Variants in CAMK2D observed in about 807,000 individuals in gnomAD.
The protein encoded by CAMK2D is calcium/calmodulin-dependent protein kinase type II subunit delta.
Under a neutral mutation model 84.0 loss-of-function variants are expected in CAMK2D, and 37 were observed. That is an observed-to-expected ratio of 0.44 (90% CI 0.34 to 0.58). The LOEUF (loss-of-function observed/expected upper bound fraction) is 0.58. CAMK2D is among the 20% of genes least tolerant of loss of function. The pLI is 0.02. For synonymous variants in CAMK2D, 202 were observed against 212.5 expected (o/e 0.95, Z 0.43); for missense variants, 448 against 652.5 (o/e 0.69, Z 3.41).
intron 16 of CAMK2D, among the ~76,000 whole-genome samples, chr4:113,491,627 G>A (rs2097845410): frequency 6.6e-6 from 1 of 152,138 alleles, no homozygotes; most frequent in Non-Finnish European, 1.5e-5. Flanking sequence ...GTCTCTGCCT[G>A]GCTTTGGTAT....
intron 2 of CAMK2D, among the ~76,000 whole-genome samples, chr4:113,669,117 C>T (rs1170368642): frequency 6.6e-6 from 1 of 152,102 alleles, no homozygotes; most frequent in Non-Finnish European, 1.5e-5. Flanking sequence ...AAATGCTTTA[C>T]ACAAAATTAT....
chr4:113,467,032 CAATT>C (rs2097482216), intron 16 of CAMK2D, among the ~76,000 whole-genome samples: 1 of 152,286 alleles, frequency 6.6e-6, no homozygotes, highest in Non-Finnish European at 1.5e-5. Flanking sequence ...TGAATTTAAT[CAATT>C]GAGACTAATA....
intron 4 of CAMK2D, among the ~76,000 whole-genome samples, chr4:113,606,456 C>T (rs1357710568): frequency 6.6e-6 from 1 of 151,002 alleles, no homozygotes; most frequent in Non-Finnish European, 1.5e-5. Context: ...AATCGCACCA[C>T]TGCACTCCAG....
intron 4 of CAMK2D, among the ~76,000 whole-genome samples, chr4:113,598,201 C>T (rs1240240323): frequency 6.6e-6 from 1 of 152,070 alleles, no homozygotes; most frequent in Non-Finnish European, 1.5e-5. Flanking sequence ...ATCAACGGTA[C>T]AGAACAGATC....
At chr4:113,737,480 C>T (rs1194594396) in intron 2 of CAMK2D, among the ~76,000 whole-genome samples, 3 of 151,862 alleles carry the variant, frequency 2.0e-5, no homozygotes, top group Non-Finnish European at 4.4e-5. Flanking sequence ...GCCAGGGACT[C>T]GGGGGAGAGA....
chr4:113,646,301 C>A (rs2099151762), intron 3 of CAMK2D, among the ~76,000 whole-genome samples: 2 of 152,170 alleles, frequency 1.3e-5, no homozygotes, highest in African/African-American at 2.4e-5. Context: ...TGAGCGCAGA[C>A]TCTACGGCAG....
At chr4:113,476,984 C>A (rs374562231) in intron 16 of CAMK2D, among the ~76,000 whole-genome samples, 1 of 152,110 alleles carries the variant, frequency 6.6e-6, no homozygotes, top group Non-Finnish European at 1.5e-5. Context: ...TAGCCCCCTG[C>A]CTGCCAAATT....
At chr4:113,571,171 A>C (rs1428867177) in intron 4 of CAMK2D, among the ~76,000 whole-genome samples, 1 of 152,220 alleles carries the variant, frequency 6.6e-6, no homozygotes, top group Non-Finnish European at 1.5e-5. Context: ...AGAAAAGGGA[A>C]CCCTGGTACA....
At chr4:113,564,684 G>A (rs574438659) in intron 4 of CAMK2D, among the ~76,000 whole-genome samples, 4 of 152,298 alleles carry the variant, frequency 2.6e-5, no homozygotes, top group South Asian at 4.1e-4. Flanking sequence ...AACAGTATGC[G>A]AAAGGGAAGA....
At chr4:113,643,538 T>A (rs995990318) in intron 3 of CAMK2D, among the ~76,000 whole-genome samples, 2 of 152,248 alleles carry the variant, frequency 1.3e-5, no homozygotes, top group African/African-American at 2.4e-5. Context: ...GTGTTCATCA[T>A]TTTTGGAGGT....
intron 13 of CAMK2D, among the ~76,000 whole-genome samples, chr4:113,508,747 T>A (rs925238003): frequency 1.3e-5 from 2 of 152,222 alleles, no homozygotes; most frequent in African/African-American, 4.8e-5. Flanking sequence ...TGACTGAGCA[T>A]GAACATTTAA....
Position 113,453,675 on chromosome 4 carries a change from C to G in CAMK2D, c.*870G>C, listed in dbSNP as rs73841627. The G allele has an allele frequency of 3.8e-4, 58 of 152,092 alleles. No individual in the cohort carries two copies. The highest frequency in any genetic ancestry group is 1.4e-3 in the African/African-American group (58 of 41,426). The allele number at this position is 152,092 out of a possible 1,614,324, so 9.4% of individuals were successfully genotyped here. A position where few individuals can be genotyped will look rare whatever the true frequency, so the allele number is the denominator to read the frequency against. On this transcript the variant is annotated 3_prime_UTR_variant, in exon 21 of 21. Transcript: ENST00000511664. ...TTCACTTCTATTCTTTTCTCACACA[C>G]TACTAGCCAGCCTCCCCAAAAAAGG... is the stretch of plus-strand genomic sequence containing the variant.
At chr4:113,639,761 T>C (rs2099124849) in intron 3 of CAMK2D, among the ~76,000 whole-genome samples, 4 of 151,908 alleles carry the variant, frequency 2.6e-5, no homozygotes, top group South Asian at 2.1e-4. Flanking sequence ...GGAGGGAGTC[T>C]GTATGGCTGG....
intron 4 of CAMK2D, among the ~76,000 whole-genome samples, chr4:113,558,893 G>A (rs2098684503): frequency 6.6e-6 from 1 of 151,958 alleles, no homozygotes; most frequent in South Asian, 2.1e-4. Flanking sequence ...GAAGTGGGAG[G>A]ATCGCTTGAG....
intron 2 of CAMK2D, among the ~76,000 whole-genome samples, chr4:113,744,861 A>G (rs2099600784): frequency 6.6e-6 from 1 of 152,194 alleles, no homozygotes; most frequent in Non-Finnish European, 1.5e-5. Flanking sequence ...CCCAATTTTC[A>G]AAGGTCTTTT....
At position 113,673,678 on chromosome 4, in the gene CAMK2D, A is replaced by T. The variant is rs1470714571; in HGVS notation, c.161-11906T>A. On this transcript the variant is annotated intron_variant, in intron 2 of 20. Transcript: ENST00000511664. ...CAGTCCCTTACAGCTCTTCTCTAAA[A>T]GGCCCTAAGGGCAGCCAGTGAGTGG... 2.0e-5 allele frequency among the ~76,000 whole-genome samples: 3 copies of T among 152,252 alleles called. No homozygotes were observed. The East Asian group carries it at 5.8e-4, about 29-fold the overall frequency.
chr4:113,631,680 T>C (rs1037536117), intron 3 of CAMK2D, among the ~76,000 whole-genome samples: 1 of 152,156 alleles, frequency 6.6e-6, no homozygotes. Context: ...TTGCTTTTCA[T>C]TAGGTTGGAA....
chr4:113,700,395 A>G (rs1014353599), intron 2 of CAMK2D, among the ~76,000 whole-genome samples: 2 of 152,176 alleles, frequency 1.3e-5, no homozygotes, highest in African/African-American at 2.4e-5. Context: ...TCAAGGCAGT[A>G]ACAGTGGTAA....
intron 3 of CAMK2D, among the ~76,000 whole-genome samples, chr4:113,616,026 A>G (rs1181626206): frequency 6.6e-6 from 1 of 152,130 alleles, no homozygotes; most frequent in Non-Finnish European, 1.5e-5. Context: ...TCATCACTCA[A>G]AAGTTAAAAT....
Sources: gnomAD v4.1 joint callset for allele counts (sites outside exome capture counted in the v4.1 genomes callset) on GRCh38, gnomAD v4.1.1 for gene constraint, MANE v1.5 for transcripts, NCBI Gene and HGNC (gene_info 2026-07-23, HGNC 2026-07-21) for gene names.